SLC44A5: variants seen among roughly 807,000 people sequenced by gnomAD.
SLC44A5 encodes the protein solute carrier family 44 member 5.
In SLC44A5, 57 loss-of-function variants were observed where a neutral mutation model predicts 101.8. The ratio of observed to expected loss-of-function variants is 0.56; its 90% CI spans 0.45 to 0.70. The LOEUF (loss-of-function observed/expected upper bound fraction) is 0.70. Ranked by LOEUF, SLC44A5 falls within the 30% of genes least tolerant of loss-of-function variation. The pLI is 0.00. For missense variants in SLC44A5, 737 were observed against 853.1 expected, an observed-to-expected ratio of 0.86 and a Z score of 1.70; for synonymous variants, 281 against 290.9, an observed-to-expected ratio of 0.97 and a Z score of 0.35.
intron 2 of SLC44A5, among the ~76,000 whole-genome samples, chr1:75,426,714 T>C (rs1166471314): frequency 6.6e-6 from 1 of 152,210 alleles, no homozygotes; most frequent in African/African-American, 2.4e-5. Flanking sequence ...TCCTAAGCTC[T>C]TTGGTAACTA....
chr1:75,638,380 C>G, the SLC44A5 span, among the ~76,000 whole-genome samples: 1 of 151,906 alleles, frequency 6.6e-6, no homozygotes, highest in African/African-American at 2.4e-5. Context: ...CTTATAATAA[C>G]AAACACAGTG....
chr1:75,264,190 C>G (rs1403572824), intron 6 of SLC44A5, among the ~76,000 whole-genome samples: 1 of 151,200 alleles, frequency 6.6e-6, no homozygotes, highest in Non-Finnish European at 1.5e-5. Flanking sequence ...ACCTACTGTA[C>G]TGCATCCTGT....
the SLC44A5 span, among the ~76,000 whole-genome samples, chr1:75,705,644 G>A: frequency 6.6e-6 from 1 of 152,038 alleles, no homozygotes; most frequent in South Asian, 2.1e-4. Context: ...CTCGCTAGAG[G>A]TATATCTATT....
chr1:75,585,243 C>CT (rs1441832140), intron 1 of SLC44A5, among the ~76,000 whole-genome samples: 1 of 152,150 alleles, frequency 6.6e-6, no homozygotes, highest in Non-Finnish European at 1.5e-5. Context: ...TAAAAACACA[C>CT]TTTTTTCTGG....
rs181309438 is a variant in SLC44A5 at position 75,289,238 on chromosome 1, G to A, written c.175+11374C>T. ...CAGATAATCCAGGCTGCTTTACAAA[G>A]AGGTGTGTCACTGGGTCTAAAATAC... On this transcript the variant is annotated intron_variant, in intron 5 of 23. Transcript: ENST00000370859. Among the ~76,000 whole-genome samples, 455 of 152,314 alleles carry A rather than the reference G, an allele frequency of 3.0e-3. 2 individuals carry two copies. The highest frequency in any genetic ancestry group is 6.2e-3 in the Admixed American group (95 of 15,296).
At chr1:75,658,262 G>GATGGGGTTTC in the SLC44A5 span, among the ~76,000 whole-genome samples, 4 of 151,846 alleles carry the variant, frequency 2.6e-5, no homozygotes, top group Admixed American at 6.6e-5. Flanking sequence ...TTTTTGTAGA[G>GATGGGGTTTC]ATGGGGTTTC....
chr1:75,643,795 G>T, the SLC44A5 span, among the ~76,000 whole-genome samples: 1 of 152,212 alleles, frequency 6.6e-6, no homozygotes, highest in Non-Finnish European at 1.5e-5. Context: ...CAGCCATGTG[G>T]GACTGTGAGT....
intron 2 of SLC44A5, among the ~76,000 whole-genome samples, chr1:75,497,252 T>C (rs1157054969): frequency 6.6e-6 from 1 of 152,048 alleles, no homozygotes; most frequent in Non-Finnish European, 1.5e-5. Context: ...TATAGACTGA[T>C]GAATGGGAAA....
chr1:75,570,950 A>G (rs1331222602), intron 1 of SLC44A5, among the ~76,000 whole-genome samples: 2 of 152,138 alleles, frequency 1.3e-5, no homozygotes, highest in Non-Finnish European at 2.9e-5. Context: ...CCGGTCAAGA[A>G]ACATCTCCCG....
intron 2 of SLC44A5, among the ~76,000 whole-genome samples, chr1:75,487,186 G>A (rs1051511602): frequency 6.6e-6 from 1 of 151,802 alleles, no homozygotes; most frequent in Admixed American, 6.6e-5. Context: ...AGGAATGAAG[G>A]GACAACAGAC....
chr1:75,203,753 C>T lies in SLC44A5; in HGVS notation c.2128G>A (p.Glu710Lys). ...SQPLLKIFQEENPQTRKQ is the reference protein window; with the variant it reads ...SQPLLKIFQEKNPQTRKQ ...TACTGCTTCCTAGTTTGTGGATTTT[C>T]CTCCTGGAAAATCTTCAGCAAAGGT... The change falls in exon 24 of 24, where the codon GAA (glutamate) becomes AAA (lysine). Residue 710 changes from glutamate (E) to lysine (K), a missense_variant. Physicochemically the swap from Glu to Lys is moderately conservative, Grantham distance 56 (BLOSUM62 1). Coordinates refer to ENST00000370859, the MANE Select transcript of SLC44A5 (RefSeq NM_001130058.2). 6.5e-7 allele frequency: 1 copy of T among 1,549,050 alleles called. No individual in the cohort carries two copies. Among genetic ancestry groups the T allele is most frequent in the Non-Finnish European group, 8.7e-7 (1 of 1,145,798 alleles).
At chr1:75,227,455 T>C (rs545743259) in intron 13 of SLC44A5, among the ~76,000 whole-genome samples, 3 of 152,282 alleles carry the variant, frequency 2.0e-5, no homozygotes, top group South Asian at 4.1e-4. Context: ...AGACCTCAGG[T>C]TAATGCCTAT....
chr1:75,486,451 A>G (rs79489987), intron 2 of SLC44A5, among the ~76,000 whole-genome samples: 2 of 152,146 alleles, frequency 1.3e-5, no homozygotes, highest in African/African-American at 4.8e-5. Context: ...TTTTACTCTT[A>G]TTCTATTAAT....
intron 6 of SLC44A5, among the ~76,000 whole-genome samples, chr1:75,261,495 A>C (rs1035970152): frequency 6.6e-6 from 1 of 152,170 alleles, no homozygotes; most frequent in African/African-American, 2.4e-5. Flanking sequence ...GGAATAGACC[A>C]GTAACAAGTT....
intron 3 of SLC44A5, among the ~76,000 whole-genome samples, chr1:75,371,882 T>G (rs567895363): frequency 6.6e-6 from 1 of 152,140 alleles, no homozygotes; most frequent in East Asian, 1.9e-4. Context: ...AAAAGCCAGG[T>G]TGGATTGACA....
chr1:75,653,406 C>G, the SLC44A5 span, among the ~76,000 whole-genome samples: 1 of 152,042 alleles, frequency 6.6e-6, no homozygotes, highest in Non-Finnish European at 1.5e-5. Context: ...CACTTGAATC[C>G]GGGAGGCAGA....
intron 2 of SLC44A5, among the ~76,000 whole-genome samples, chr1:75,435,973 T>A (rs902286918): frequency 1.1e-4 from 16 of 152,148 alleles, no homozygotes; most frequent in Non-Finnish European, 1.9e-4. Context: ...TTAGAAGTTA[T>A]AATCGCAAAT....
chr1:75,659,578 C>T, the SLC44A5 span, among the ~76,000 whole-genome samples: 2 of 143,770 alleles, frequency 1.4e-5, no homozygotes, highest in African/African-American at 5.3e-5. Flanking sequence ...TTGCTTGAGC[C>T]CAGGAGTTGG....
At chr1:75,406,971 GC>G (rs1662914807) in intron 2 of SLC44A5, among the ~76,000 whole-genome samples, 1 of 152,106 alleles carries the variant, frequency 6.6e-6, no homozygotes, top group Non-Finnish European at 1.5e-5. Context: ...TATCGCCTCA[GC>G]CCAAAATCTC....
Sources: allele counts gnomAD v4.1 joint callset (sites outside exome capture counted in the v4.1 genomes callset), GRCh38; gene constraint gnomAD v4.1.1; transcripts MANE v1.5; gene names NCBI Gene and HGNC (gene_info 2026-07-23, HGNC 2026-07-21).